TRPC3: variants seen among roughly 807,000 people sequenced by gnomAD.
TRPC3 encodes the protein transient receptor potential cation channel subfamily C member 3.
TRPC3 carries 54 observed loss-of-function variants against 90.9 expected under a neutral mutation model. That is an observed-to-expected ratio of 0.59 (90% CI 0.48 to 0.75). The LOEUF (loss-of-function observed/expected upper bound fraction) is 0.75. Among genes scored for constraint, TRPC3 ranks in the 30% least tolerant of loss-of-function variants. The probability of loss-of-function intolerance (pLI) is 0.00; values close to 1 mark genes in which losing one functional copy is unlikely to be tolerated. For missense variants in TRPC3, 918 were observed against 1,194.5 expected (o/e 0.77, Z 3.41); for synonymous variants, 424 against 450.9 (o/e 0.94, Z 0.75).
chr4:121,879,700 T>C lies in TRPC3; in HGVS notation c.*36A>G. On this transcript the variant is annotated 3_prime_UTR_variant, in exon 12 of 12. Coordinates refer to ENST00000379645, the MANE Select transcript of TRPC3 (RefSeq NM_001130698.2). Reference sequence around the variant, plus strand: ...TACTTAGAAATATTATTGCCCACATTTGTGCTATAGTCAAAGCCAAATCCA... The same window carrying C: ...TACTTAGAAATATTATTGCCCACATCTGTGCTATAGTCAAAGCCAAATCCA... 6.3e-7 allele frequency: 1 copy of C among 1,578,494 alleles called. No individual in the cohort carries two copies. Among genetic ancestry groups the C allele is most frequent in the East Asian group, 2.3e-5 (1 of 42,578 alleles).
intron 7 of TRPC3, 133 bp downstream of exon 7, chr4:121,907,170 T>A (rs1290240808): frequency 1.2e-6 from 1 of 846,216 alleles, no homozygotes; most frequent in Admixed American, 2.7e-5. Context: ...ACACAAGCAC[T>A]AACTGTTTTT....
At chr4:121,936,263 G>C (rs886140363) in intron 1 of TRPC3, among the ~76,000 whole-genome samples, 13 of 152,102 alleles carry the variant, frequency 8.5e-5, no homozygotes, top group African/African-American at 2.7e-4. Flanking sequence ...ATCTCAGCTG[G>C]CCTTGACAAT....
intron 10 of TRPC3, among the ~76,000 whole-genome samples, chr4:121,898,471 C>G (rs1728592491): frequency 6.6e-6 from 1 of 152,030 alleles, no homozygotes; most frequent in Admixed American, 6.5e-5. Flanking sequence ...GAATCTAATG[C>G]CTGAAGAGCC....
intron 3 of TRPC3, among the ~76,000 whole-genome samples, chr4:121,920,339 T>G (rs995863857): frequency 6.6e-6 from 1 of 151,936 alleles, no homozygotes; most frequent in African/African-American, 2.4e-5. Context: ...CTGGCCAACA[T>G]GGTAAAACCC....
intron 10 of TRPC3, among the ~76,000 whole-genome samples, chr4:121,896,894 A>G (rs992789099): frequency 6.6e-6 from 1 of 152,118 alleles, no homozygotes; most frequent in African/African-American, 2.4e-5. Flanking sequence ...CTTAAAATAT[A>G]TTACCAGGCT....
At position 121,932,184 on chromosome 4, in the gene TRPC3, T is replaced by C; in HGVS notation, c.987+87A>G. On this transcript the variant is annotated intron_variant, in intron 2 of 11. Transcript: ENST00000379645. This position sits in a 1 kb window ranked among gnomAD's most constrained non-coding sequence, Gnocchi z 7.7. The stretch of plus-strand genomic sequence containing the variant: ...CACATTCACTGGGCAAAACCGAATG[T>C]GGAGCGAACGGTGGCAGAGCAGGCC... The C allele has an allele frequency of 4.5e-6, 7 of 1,545,612 alleles. No homozygotes were observed. Among genetic ancestry groups the C allele is most frequent in the Non-Finnish European group, 6.1e-6 (7 of 1,145,108 alleles).
intron 5 of TRPC3, 80 bp downstream of exon 5, chr4:121,911,796 AT>A (rs573556111): frequency 1.5e-4 from 207 of 1,356,354 alleles, no homozygotes; most frequent in South Asian, 6.6e-4. Flanking sequence ...ATATAATAAC[AT>A]TTTTTTTCAA....
intron 10 of TRPC3, among the ~76,000 whole-genome samples, chr4:121,888,181 C>T (rs1728197174): frequency 6.6e-6 from 1 of 152,112 alleles, no homozygotes; most frequent in Non-Finnish European, 1.5e-5. Context: ...ATTTTTGAAA[C>T]TCTTCCGCTG....
Position 121,879,577 on chromosome 4 carries a change from G to T in TRPC3, c.*159C>A. On this transcript the variant is annotated 3_prime_UTR_variant, in exon 12 of 12. Transcript: ENST00000379645. ...AGACAAATAAAATGCATTTTCATGTGATAAAACAATAAAACCATTAAGAGC... is the reference window on the plus strand; with the variant it reads ...AGACAAATAAAATGCATTTTCATGTTATAAAACAATAAAACCATTAAGAGC... The T allele has an allele frequency of 1.3e-6, 1 of 758,238 alleles. No homozygotes were observed. Among genetic ancestry groups the T allele is most frequent in the Non-Finnish European group, 2.0e-6 (1 of 496,424 alleles). 47.0% of individuals were successfully genotyped at this position (758,238 alleles called of 1,614,324 possible).
chr4:121,897,746 G>C (rs370831142), intron 10 of TRPC3, among the ~76,000 whole-genome samples: 3 of 152,022 alleles, frequency 2.0e-5, no homozygotes, highest in African/African-American at 4.8e-5. Flanking sequence ...CAGTATGGAG[G>C]ATTTTCCAAG....
At chr4:121,942,127 C>T (rs1730340173) in intron 1 of TRPC3, among the ~76,000 whole-genome samples, 1 of 152,190 alleles carries the variant, frequency 6.6e-6, no homozygotes. Flanking sequence ...CCACCGCCGC[C>T]CTGACACACA....
At chr4:121,921,679 T>C (rs1422453434) in intron 3 of TRPC3, among the ~76,000 whole-genome samples, 1 of 152,106 alleles carries the variant, frequency 6.6e-6, no homozygotes, top group Non-Finnish European at 1.5e-5. Flanking sequence ...CCATAACATA[T>C]AAAGTTACTT....
At chr4:121,890,192 T>C (rs1448396203) in intron 10 of TRPC3, among the ~76,000 whole-genome samples, 1 of 152,108 alleles carries the variant, frequency 6.6e-6, no homozygotes, top group Non-Finnish European at 1.5e-5. Flanking sequence ...TAGGGAGAAG[T>C]TGGTCACCAG....
chr4:121,903,089 T>C (rs1307436455), intron 8 of TRPC3, 28 bp from the exon 9 acceptor site: 8 of 1,536,234 alleles, frequency 5.2e-6, no homozygotes, highest in African/African-American at 1.4e-5. Context: ...AAAAAAAAAC[T>C]AATTTTAAAT....
intron 10 of TRPC3, among the ~76,000 whole-genome samples, chr4:121,889,769 A>C (rs1728255390): frequency 6.6e-6 from 1 of 152,212 alleles, no homozygotes; most frequent in Non-Finnish European, 1.5e-5. Context: ...AGATACTTAA[A>C]AAATTAAAAA....
At chr4:121,938,686 C>T (rs1052841705) in intron 1 of TRPC3, among the ~76,000 whole-genome samples, 1 of 152,170 alleles carries the variant, frequency 6.6e-6, no homozygotes, top group Non-Finnish European at 1.5e-5. Flanking sequence ...AAAGATAACA[C>T]AAATGGTAAA....
rs373560848 is a variant in TRPC3, at chr4:121,878,646, T to A, written c.*1090A>T. Among the ~76,000 whole-genome samples, 10 of 152,220 alleles carry A rather than the reference T, an allele frequency of 6.6e-5. No homozygotes were observed. The highest frequency in any genetic ancestry group is 1.5e-4 in the Non-Finnish European group (10 of 68,044). On this transcript the variant is annotated 3_prime_UTR_variant, in exon 12 of 12. Coordinates refer to ENST00000379645, the MANE Select transcript of TRPC3 (RefSeq NM_001130698.2). ...ATGTAATAAGGCATATGTAGATATATCACAATATATTTTATATAGAAAGTG... is the reference window on the plus strand; with the variant it reads ...ATGTAATAAGGCATATGTAGATATAACACAATATATTTTATATAGAAAGTG...
intron 3 of TRPC3, among the ~76,000 whole-genome samples, chr4:121,919,519 G>A (rs1729429377): frequency 6.6e-6 from 1 of 152,048 alleles, no homozygotes; most frequent in African/African-American, 2.4e-5. Context: ...TTATCTCTTG[G>A]TGCCTGGGGA....
At chr4:121,894,585 A>G (rs1051240999) in intron 10 of TRPC3, among the ~76,000 whole-genome samples, 4 of 54,136 alleles carry the variant, frequency 7.4e-5, no homozygotes, top group Admixed American at 3.0e-4. Context: ...TTTTTTTGAG[A>G]CAGTGTCTCA....
Sources: allele counts gnomAD v4.1 joint callset (sites outside exome capture counted in the v4.1 genomes callset), GRCh38; gene constraint gnomAD v4.1.1; non-coding constraint Gnocchi (gnomAD v3.1); transcripts MANE v1.5; gene names NCBI Gene and HGNC (gene_info 2026-07-23, HGNC 2026-07-21).